KCNA6: variants seen among roughly 807,000 people sequenced by gnomAD.
KCNA6 encodes the protein potassium voltage-gated channel subfamily A member 6.
In KCNA6, 17 loss-of-function variants were observed where a neutral mutation model predicts 29.5. The ratio of observed to expected loss-of-function variants is 0.58; its 90% CI spans 0.39 to 0.86. KCNA6 has a LOEUF of 0.86. Among genes scored for constraint, KCNA6 ranks in the 40% least tolerant of loss-of-function variants. The pLI, the probability that KCNA6 is intolerant of heterozygous loss-of-function variation, is 0.00. For synonymous variants in KCNA6, 296 were observed against 304.7 expected (o/e 0.97, Z 0.30); for missense variants, 450 against 703.4 (o/e 0.64, Z 4.07).
chr12:4,818,387 A>T (rs1026893567), downstream of KCNA6, among the ~76,000 whole-genome samples: 1 of 152,194 alleles, frequency 6.6e-6, no homozygotes, highest in South Asian at 2.1e-4. Flanking sequence ...GCTGGGTAAC[A>T]TGGGGCAAGT....
chr12:4,821,418 ATGTGTGTG>A, the KCNA6 span, among the ~76,000 whole-genome samples: 898 of 143,516 alleles, frequency 6.3e-3, 10 homozygotes, highest in African/African-American at 0.021. Context: ...ACTCACTTGG[ATGTGTGTG>A]TGTGTGTGTG....
the KCNA6 span, among the ~76,000 whole-genome samples, chr12:4,849,982 G>C: frequency 6.6e-6 from 1 of 152,316 alleles, no homozygotes; most frequent in African/African-American, 2.4e-5. Context: ...CAAGTGAGGA[G>C]TTTAACTTTG....
chr12:4,817,656 G>C (rs1193000244), downstream of KCNA6, among the ~76,000 whole-genome samples: 1 of 152,182 alleles, frequency 6.6e-6, no homozygotes, highest in South Asian at 2.1e-4. Context: ...AAAGAGGAAA[G>C]GTTCCTACCC....
At chr12:4,828,182 CTA>C in the KCNA6 span, among the ~76,000 whole-genome samples, 2 of 151,896 alleles carry the variant, frequency 1.3e-5, no homozygotes, top group Non-Finnish European at 2.9e-5. Flanking sequence ...CTAACTTTGT[CTA>C]TGTCTGTATC....
At chr12:4,848,947 C>T in the KCNA6 span, among the ~76,000 whole-genome samples, 1 of 151,730 alleles carries the variant, frequency 6.6e-6, no homozygotes, top group East Asian at 2.0e-4. Context: ...CGGTGAAACC[C>T]CGTCTCTGCT....
chr12:4,850,134 T>G, the KCNA6 span, among the ~76,000 whole-genome samples: 1 of 151,236 alleles, frequency 6.6e-6, no homozygotes, highest in Non-Finnish European at 1.5e-5. The surrounding 1 kb of genome is among the most constrained non-coding windows in gnomAD (Gnocchi z 5.4). Flanking sequence ...CTCTTGGAGG[T>G]GGGGGTTCAG....
chr12:4,843,168 T>C, the KCNA6 span, among the ~76,000 whole-genome samples: 6 of 141,118 alleles, frequency 4.3e-5, no homozygotes, highest in Non-Finnish European at 7.6e-5. Context: ...AGTGATCATG[T>C]TTTTAAAAAT....
Position 4,811,542 on chromosome 12 carries a change from T to C in KCNA6, c.1501T>C (p.Phe501Leu). 2 of 1,614,182 alleles carry C rather than the reference T, an allele frequency of 1.2e-6. No homozygotes were observed. The highest frequency in any genetic ancestry group is 1.7e-6 in the Non-Finnish European group (2 of 1,180,030). ...TGACAACGGACTTGGCAAGCCTGAC[T>C]TCCCCGAGGCTAACCGGGAACGGAG... Residue 501 changes from phenylalanine (F) to leucine (L), a missense_variant, in exon 1 of 1, where the codon TTC becomes CTC. Coordinates refer to ENST00000280684, the Ensembl canonical transcript of KCNA6. This position sits in a 1 kb window ranked among gnomAD's most constrained non-coding sequence, Gnocchi z 7.1.
chr12:4,835,258 C>A, the KCNA6 span, among the ~76,000 whole-genome samples: 1 of 139,852 alleles, frequency 7.2e-6, no homozygotes, highest in East Asian at 2.2e-4. Flanking sequence ...CCTCAGCCTC[C>A]CGAGTAGCTG....
the KCNA6 span, among the ~76,000 whole-genome samples, chr12:4,846,790 TTA>T: frequency 0.11 from 3,651 of 33,658 alleles, 341 homozygotes; most frequent in Non-Finnish European, 0.14. Context: ...TTTTTTTTTT[TTA>T]ATTTGAGACG....
chr12:4,821,182 A>C, the KCNA6 span, among the ~76,000 whole-genome samples: 1 of 152,208 alleles, frequency 6.6e-6, no homozygotes, highest in African/African-American at 2.4e-5. Flanking sequence ...GAACGTGTCC[A>C]GAAGGCCTGG....
At chr12:4,816,053 C>A (rs567560846), downstream of KCNA6, among the ~76,000 whole-genome samples, 1 of 152,172 alleles carries the variant, frequency 6.6e-6, no homozygotes, top group East Asian at 1.9e-4. Context: ...AAGAAAGCAA[C>A]GAGTCTAATA....
the KCNA6 span, among the ~76,000 whole-genome samples, chr12:4,835,943 T>TG: frequency 6.1e-5 from 3 of 49,054 alleles, no homozygotes; most frequent in Admixed American, 1.7e-4. Context: ...TGTTTTTTTT[T>TG]TTTTTTTTTT....
chr12:4,831,860 C>G, the KCNA6 span, among the ~76,000 whole-genome samples: 38,422 of 152,028 alleles, frequency 0.25, 5,174 homozygotes, highest in Middle Eastern at 0.37. Context: ...CCTGGCTCTC[C>G]GAGTCACTAG....
the KCNA6 span, among the ~76,000 whole-genome samples, chr12:4,818,838 G>GCACA: frequency 4.9e-4 from 73 of 148,740 alleles, no homozygotes; most frequent in African/African-American, 1.5e-3. Flanking sequence ...CCCTGAAAGT[G>GCACA]CACACACACA....
At chr12:4,818,896 A>AT in the KCNA6 span, among the ~76,000 whole-genome samples, 1 of 152,166 alleles carries the variant, frequency 6.6e-6, no homozygotes, top group Non-Finnish European at 1.5e-5. Flanking sequence ...ATATACACAC[A>AT]TAAATATATA....
At chr12:4,830,355 C>T in the KCNA6 span, among the ~76,000 whole-genome samples, 1,580 of 152,304 alleles carry the variant, frequency 0.01, 9 homozygotes, top group Non-Finnish European at 0.014. Context: ...TCCACACCCC[C>T]ATCCCAAATT....
downstream of KCNA6, among the ~76,000 whole-genome samples, chr12:4,816,374 G>T (rs1231472280): frequency 2.0e-5 from 3 of 150,980 alleles, no homozygotes; most frequent in African/African-American, 7.3e-5. Context: ...TTCCTCTAAA[G>T]ATATGTCATG....
downstream of KCNA6, among the ~76,000 whole-genome samples, chr12:4,817,692 C>T (rs1478723104): frequency 6.6e-6 from 1 of 152,212 alleles, no homozygotes; most frequent in Non-Finnish European, 1.5e-5. Flanking sequence ...TCGCACTGGT[C>T]TAACCTTGGC....
Sources: allele counts gnomAD v4.1 joint callset (sites outside exome capture counted in the v4.1 genomes callset), GRCh38; gene constraint gnomAD v4.1.1; non-coding constraint Gnocchi (gnomAD v3.1); transcripts MANE v1.5; gene names NCBI Gene and HGNC (gene_info 2026-07-23, HGNC 2026-07-21).